Variants in PDCL3 observed in about 807,000 individuals in gnomAD.
PDCL3 encodes the protein phosducin like 3.
A neutral mutation model predicts 26.5 loss-of-function variants in PDCL3; 22 were observed. The observed-to-expected ratio is 0.83, with a 90% CI of 0.59 to 1.19. The LOEUF (loss-of-function observed/expected upper bound fraction) is 1.19, where lower values mean the gene tolerates loss of function less well. Among genes scored for constraint, PDCL3 ranks in the 50% most tolerant of loss-of-function variants. The pLI, the probability that PDCL3 is intolerant of heterozygous loss-of-function variation, is 0.00. For missense variants in PDCL3, 246 were observed against 294.1 expected, an observed-to-expected ratio of 0.84 and a Z score of 1.20; for synonymous variants, 81 against 104.9, an observed-to-expected ratio of 0.77 and a Z score of 1.39.
intron 4 of PDCL3, among the ~76,000 whole-genome samples, chr2:100,571,356 G>A (rs1396436561): frequency 6.6e-6 from 1 of 151,948 alleles, no homozygotes; most frequent in East Asian, 1.9e-4. Context: ...AGTGCTACTT[G>A]GGGGGCTGAG....
At position 100,576,412 on chromosome 2, in the gene PDCL3, T is replaced by C; in HGVS notation, c.636T>C (p.Pro212=). 1 of 1,613,972 alleles carries C rather than the reference T, an allele frequency of 6.2e-7. No individual in the cohort carries two copies. Among genetic ancestry groups the C allele is most frequent in the South Asian group, 1.1e-5 (1 of 91,074 alleles). Residue 212 remains proline, a synonymous_variant, in exon 6 of 6, where the codon CCT becomes CCC. Coordinates refer to ENST00000264254, the MANE Select transcript of PDCL3 (RefSeq NM_024065.5). ...GAIMTDLEEN[P]KKPIEDVLLS... The stretch of plus-strand genomic sequence containing the variant: ...TTATGACAGACCTGGAGGAAAACCC[T>C]AAGAAGCCGATTGAAGACGTGTTGC...
At chr2:100,570,842 C>A (rs1381933442) in intron 4 of PDCL3, among the ~76,000 whole-genome samples, 2 of 152,194 alleles carry the variant, frequency 1.3e-5, no homozygotes, top group Non-Finnish European at 2.9e-5. Flanking sequence ...AGCGTTTTCT[C>A]ATTCAACCTT....
intron 1 of PDCL3, among the ~76,000 whole-genome samples, chr2:100,565,476 A>G: frequency 6.7e-6 from 1 of 148,762 alleles, no homozygotes; most frequent in South Asian, 2.1e-4. Context: ...GGGTTTCATC[A>G]TGTTAGCCAG....
intron 1 of PDCL3, 116 bp downstream of exon 1, chr2:100,563,189 G>T: frequency 6.8e-6 from 9 of 1,330,542 alleles, no homozygotes; most frequent in Non-Finnish European, 9.1e-6. Context: ...AGGCACGAGG[G>T]AGGCCCGGCG....
chr2:100,568,820 G>A (rs1675105975), intron 2 of PDCL3, 111 bp from the exon 3 acceptor site: 1 of 818,002 alleles, frequency 1.2e-6, no homozygotes, highest in Non-Finnish European at 2.0e-6. Flanking sequence ...GGTAGGCTAA[G>A]GATCTGGTGT....
At chr2:100,571,979 G>A in intron 5 of PDCL3, 181 bp downstream of exon 5, 1 of 616,340 alleles carries the variant, frequency 1.6e-6, no homozygotes, top group South Asian at 2.0e-5. Context: ...AGTTACAACT[G>A]GGCTCTACTG....
chr2:100,572,508 G>C lies in PDCL3; in HGVS notation c.577+710G>C, dbSNP rs1040098526. Among the ~76,000 whole-genome samples, 3 of 150,910 alleles carry C rather than the reference G, an allele frequency of 2.0e-5. 1 individual carries two copies. The highest frequency in any genetic ancestry group is 4.4e-5 in the Non-Finnish European group (3 of 67,814). ...ATTACAGACGTGAGCCACTGCGCCCGGCTAGTAGCTTTTATTTATTTTTTT... is the reference window on the plus strand; with the variant it reads ...ATTACAGACGTGAGCCACTGCGCCCCGCTAGTAGCTTTTATTTATTTTTTT... On this transcript the variant is annotated intron_variant, in intron 5 of 5. Coordinates refer to ENST00000264254, the MANE Select transcript of PDCL3 (RefSeq NM_024065.5).
chr2:100,565,309 C>G (rs1208756811), intron 1 of PDCL3, among the ~76,000 whole-genome samples: 4 of 130,358 alleles, frequency 3.1e-5, no homozygotes, highest in South Asian at 2.6e-4. Flanking sequence ...GAGTCTAGCT[C>G]TGTCGCCCAG....
intron 5 of PDCL3, among the ~76,000 whole-genome samples, chr2:100,575,134 G>A (rs1675253891): frequency 6.6e-6 from 1 of 152,052 alleles, no homozygotes; most frequent in South Asian, 2.1e-4. Flanking sequence ...AGTAAAATTG[G>A]TTTTCAGATT....
intron 5 of PDCL3, among the ~76,000 whole-genome samples, chr2:100,572,852 C>T (rs1434846569): frequency 2.0e-5 from 3 of 151,606 alleles, no homozygotes; most frequent in African/African-American, 4.8e-5. Flanking sequence ...TTATTTAATT[C>T]TGCCTGTTAG....
intron 1 of PDCL3, 29 bp downstream of exon 1, chr2:100,563,102 G>C (rs747663447): frequency 5.6e-5 from 89 of 1,595,456 alleles, no homozygotes; most frequent in Non-Finnish European, 7.3e-5. Flanking sequence ...CGGGTCTGGG[G>C]GCTGCGGCCC....
intron 5 of PDCL3, among the ~76,000 whole-genome samples, chr2:100,575,379 C>T (rs1048097780): frequency 2.6e-5 from 4 of 152,202 alleles, no homozygotes; most frequent in Non-Finnish European, 5.9e-5. Flanking sequence ...TCGTGATCCG[C>T]CCACCTTGGC....
At chr2:100,568,898 AT>A in intron 2 of PDCL3, 32 bp from the exon 3 acceptor site, 1 of 1,549,278 alleles carries the variant, frequency 6.5e-7, no homozygotes, top group Non-Finnish European at 8.9e-7. Flanking sequence ...ATCTTTTTAA[AT>A]TTTTGCTTTT....
chr2:100,576,597 G>C lies in PDCL3; in HGVS notation c.*101G>C. ...ATGAATCCTTGTGGTTTTTAGTTTT[G>C]TATAAATTATGTTTCAAATCTTTAC... is the stretch of plus-strand genomic sequence containing the variant. On this transcript the variant is annotated 3_prime_UTR_variant, in exon 6 of 6. Transcript: ENST00000264254. 1 of 1,198,806 alleles carries C rather than the reference G, an allele frequency of 8.3e-7. No individual in the cohort carries two copies. Among genetic ancestry groups the C allele is most frequent in the Non-Finnish European group, 1.1e-6 (1 of 927,884 alleles). 74.3% of individuals were successfully genotyped at this position (1,198,806 alleles called of 1,614,324 possible). A position where few individuals can be genotyped will look rare whatever the true frequency, so the allele number is the denominator to read the frequency against.
intron 3 of PDCL3, among the ~76,000 whole-genome samples, 186 bp downstream of exon 3, chr2:100,569,207 C>T (rs1675119143): frequency 6.6e-6 from 1 of 151,784 alleles, no homozygotes; most frequent in South Asian, 2.1e-4. Context: ...CCTGTGAAAC[C>T]CCGTCTCTAT....
In PDCL3 at chr2:100,563,091, T is replaced by G; in HGVS notation, c.6+18T>G. 3 of 1,601,500 alleles carry G rather than the reference T, an allele frequency of 1.9e-6. No homozygotes were observed. The highest frequency in any genetic ancestry group is 2.6e-6 in the Non-Finnish European group (3 of 1,174,686). On this transcript the variant is annotated intron_variant, in intron 1 of 5. Coordinates refer to ENST00000264254, the MANE Select transcript of PDCL3 (RefSeq NM_024065.5). ...AGATGCAGGTGAGCTAGGACGGGTC[T>G]CGGGTCTGGGGGCTGCGGCCCGTTC...
At chr2:100,563,605 G>C (rs1355493000) in intron 1 of PDCL3, 1 of 149,230 alleles carries the variant, frequency 6.7e-6, no homozygotes, top group East Asian at 2.1e-4. Flanking sequence ...TCCCCGCGAG[G>C]GTCCCTCTGT....
intron 1 of PDCL3, among the ~76,000 whole-genome samples, chr2:100,563,973 T>C (rs1259389258): frequency 2.0e-5 from 3 of 147,320 alleles, no homozygotes; most frequent in South Asian, 2.2e-4. Context: ...GTGCAGTGGC[T>C]CTGTCACAGC....
intron 1 of PDCL3, chr2:100,563,622 C>CT (rs57393508): frequency 0.46 from 66,568 of 143,472 alleles, 16,190 homozygotes; most frequent in East Asian, 0.86. Context: ...CTGTTTCGTC[C>CT]TTTTTTTTTT....
Sources: gnomAD v4.1 joint callset for allele counts (sites outside exome capture counted in the v4.1 genomes callset) on GRCh38, gnomAD v4.1.1 for gene constraint, MANE v1.5 for transcripts, NCBI Gene and HGNC (gene_info 2026-07-23, HGNC 2026-07-21) for gene names.